The following TMEM245 variants were observed in gnomAD, a reference collection of about 807,000 sequenced individuals.
TMEM245 encodes protein CG-2.
A neutral mutation model predicts 101.2 loss-of-function variants in TMEM245; 69 were observed. The observed-to-expected ratio is 0.68, with a 90% CI of 0.56 to 0.83. TMEM245 has a LOEUF of 0.83. Among genes scored for constraint, TMEM245 ranks in the 40% least tolerant of loss-of-function variants. TMEM245 has a pLI of 0.00. For missense variants in TMEM245, 1,075 were observed against 1,092.8 expected (o/e 0.98, Z 0.23); for synonymous variants, 537 against 449.8 (o/e 1.19, Z -2.45).
chr9:109,053,033 TTA>T (rs1323951682), intron 12 of TMEM245, among the ~76,000 whole-genome samples: 1 of 152,172 alleles, frequency 6.6e-6, no homozygotes. Context: ...GTGGTTTAAT[TTA>T]TATGTCAGGC....
Position 109,083,990 on chromosome 9 carries a change from T to C in TMEM245, c.1344+2007A>G, listed in dbSNP as rs140653455. 9.7e-3 allele frequency among the ~76,000 whole-genome samples: 1,417 copies of C among 145,400 alleles called. 8 individuals carry two copies. Among genetic ancestry groups the C allele is most frequent in the South Asian group, 0.045 (207 of 4,572 alleles). ...TACTTAGGCGGCTGAGGTGGGAGGA[T>C]TGCTTGAGCCTGGGAGGTGGAGGTT... is the stretch of plus-strand genomic sequence containing the variant. On this transcript the variant is annotated intron_variant, in intron 7 of 17. Coordinates refer to ENST00000374586, the MANE Select transcript of TMEM245 (RefSeq NM_032012.4).
intron 4 of TMEM245, among the ~76,000 whole-genome samples, chr9:109,092,949 CAG>C (rs10611766): frequency 0.13 from 20,444 of 151,794 alleles, 1,614 homozygotes; most frequent in African/African-American, 0.19. Flanking sequence ...GAAAGAATGA[CAG>C]AGAAATGGAT....
intron 8 of TMEM245, among the ~76,000 whole-genome samples, chr9:109,073,865 T>TTG (rs1554723983): frequency 6.7e-6 from 1 of 148,570 alleles, no homozygotes; most frequent in Non-Finnish European, 1.5e-5. Context: ...TGTTTTTTTT[T>TTG]TTTTTTTTTT....
chr9:109,080,842 T>C lies in TMEM245; in HGVS notation c.1446A>G (p.Ala482=), dbSNP rs145855915. Residue 482 remains alanine (A), a synonymous_variant, in exon 8 of 18, where the codon GCA becomes GCG. Transcript: ENST00000374586. Reference sequence around the variant, plus strand: ...AATAATAATCACTGTACTCTACCTTTGCAGTCAGGAGTAGGGCTAAAAGAA... The same window carrying C: ...AATAATAATCACTGTACTCTACCTTCGCAGTCAGGAGTAGGGCTAAAAGAA... ...GTLLLALLLT[A]KVHQESVHMI... 5 of 1,564,784 alleles carry C rather than the reference T, an allele frequency of 3.2e-6. No individual in the cohort carries two copies. In the African/African-American group the frequency reaches 6.8e-5, roughly 21 times the overall value.
intron 4 of TMEM245, among the ~76,000 whole-genome samples, chr9:109,091,574 A>G (rs542813696): frequency 6.6e-6 from 1 of 152,344 alleles, no homozygotes; most frequent in South Asian, 2.1e-4. Flanking sequence ...CATTTCTGAC[A>G]CAAGAAGACT....
rs1256181986 is a variant in TMEM245 at position 109,016,051 on chromosome 9, T to C, written c.*4409A>G. 6.6e-6 allele frequency: 1 copy of C among 152,620 alleles called. No homozygotes were observed. The highest frequency in any genetic ancestry group is 1.5e-5 in the Non-Finnish European group (1 of 68,036). The allele number at this position is 152,620 out of a possible 1,614,324, so 9.5% of individuals were successfully genotyped here. On this transcript the variant is annotated 3_prime_UTR_variant, in exon 18 of 18. Coordinates refer to ENST00000374586, the MANE Select transcript of TMEM245 (RefSeq NM_032012.4). Reference sequence around the variant, plus strand: ...ATAGATCTGCCATTCAGTATTTCCATTAGGGATGTCTTCTCAAAGAGTTGT... The same window carrying C: ...ATAGATCTGCCATTCAGTATTTCCACTAGGGATGTCTTCTCAAAGAGTTGT...
rs771001982 is a variant in TMEM245, at chr9:109,080,895, T to C, written c.1393A>G (p.Ile465Val). The C allele has an allele frequency of 4.3e-6, 7 of 1,611,036 alleles. No homozygotes were observed. Among genetic ancestry groups the C allele is most frequent in the South Asian group, 3.3e-5 (3 of 90,888 alleles). ...GTTCCTATCACTAACAAAAATATGA[T>C]GAAAATGCTAATTATTTTATCTAAC... ...KMLDKIISIFIIFLLVIGTLL... is the reference protein window; with the variant it reads ...KMLDKIISIFVIFLLVIGTLL... The change falls in exon 8 of 18, where the codon ATC becomes GTC. Residue 465 changes from isoleucine (I) to valine (V), a missense_variant. Transcript: ENST00000374586.
At chr9:109,030,535 T>C (rs779798735) in intron 17 of TMEM245, among the ~76,000 whole-genome samples, 14 of 152,232 alleles carry the variant, frequency 9.2e-5, no homozygotes, top group Non-Finnish European at 1.5e-4. Context: ...ATTGATCAAT[T>C]ATCTTTTTTC....
rs889532649 is a variant in TMEM245 at position 109,107,237 on chromosome 9, TA to T, written c.698-629del. Among the ~76,000 whole-genome samples, 127 of 137,178 alleles carry T rather than the reference TA, an allele frequency of 9.3e-4. 1 individual carries two copies. The South Asian group carries it at 0.01, about 11-fold the overall frequency. The allele number at this position is 137,178 out of a possible 152,430, so 90.0% of individuals were successfully genotyped here. On this transcript the variant is annotated intron_variant, in intron 2 of 17. Transcript: ENST00000374586. Reference sequence around the variant, plus strand: ...ATCCCATCTCCACTAAAAATAAAAATAAAAAAAAAAAATTAGCCAGGCGTGG... The same window carrying T: ...ATCCCATCTCCACTAAAAATAAAAATAAAAAAAAAAATTAGCCAGGCGTGG...
At chr9:109,050,908 T>C (rs990536153) in intron 12 of TMEM245, among the ~76,000 whole-genome samples, 9 of 151,232 alleles carry the variant, frequency 6.0e-5, no homozygotes, top group African/African-American at 2.2e-4. Flanking sequence ...CACCAAATAA[T>C]ATAGACAGCA....
At chr9:109,061,287 G>C (rs530016016) in intron 10 of TMEM245, among the ~76,000 whole-genome samples, 1 of 152,146 alleles carries the variant, frequency 6.6e-6, no homozygotes, top group South Asian at 2.1e-4. Context: ...ACATGCTCCA[G>C]CCTGAGTAAC....
chr9:109,020,815 G>A (rs953538302), intron 17 of TMEM245, among the ~76,000 whole-genome samples: 1 of 152,202 alleles, frequency 6.6e-6, no homozygotes, highest in Admixed American at 6.5e-5. Context: ...TAAAAGAGAA[G>A]AGCAATCTTC....
intron 3 of TMEM245, among the ~76,000 whole-genome samples, chr9:109,095,767 A>G (rs1008362264): frequency 2.6e-5 from 4 of 152,222 alleles, no homozygotes; most frequent in Non-Finnish European, 5.9e-5. Flanking sequence ...ACAGAACAGC[A>G]TCATCACTAT....
At chr9:109,044,741 T>A (rs552099329) in intron 14 of TMEM245, among the ~76,000 whole-genome samples, 5 of 151,640 alleles carry the variant, frequency 3.3e-5, no homozygotes, top group South Asian at 2.1e-4. Context: ...ATATCCATCA[T>A]CTTGATCATT....
At chr9:109,084,158 T>C (rs961982344) in intron 7 of TMEM245, among the ~76,000 whole-genome samples, 1 of 152,082 alleles carries the variant, frequency 6.6e-6, no homozygotes. Context: ...AACCCATGTG[T>C]GCTCTCTCAC....
intron 6 of TMEM245, 136 bp from the exon 7 acceptor site, chr9:109,086,156 A>G (rs1202914620): frequency 1.2e-6 from 1 of 817,248 alleles, no homozygotes; most frequent in African/African-American, 1.7e-5. Flanking sequence ...CTAGGGACGG[A>G]AAAACTGTAA....
Position 109,019,645 on chromosome 9 carries a change from A to G in TMEM245, c.*815T>C, listed in dbSNP as rs1330960759. On this transcript the variant is annotated 3_prime_UTR_variant, in exon 18 of 18. Transcript: ENST00000374586. ...ATAATGAAACGGATACATTTAACAA[A>G]TCAGAGTATTGCTACACCTGAGATT... is the stretch of plus-strand genomic sequence containing the variant. The G allele has an allele frequency of 6.6e-6, 1 of 152,506 alleles. No individual in the cohort carries two copies. The highest frequency in any genetic ancestry group is 1.5e-5 in the Non-Finnish European group (1 of 68,046). The allele number at this position is 152,506 out of a possible 1,614,324, so 9.4% of individuals were successfully genotyped here. A position where few individuals can be genotyped will look rare whatever the true frequency, so the allele number is the denominator to read the frequency against.
At chr9:109,064,723 T>C (rs997448519) in intron 9 of TMEM245, among the ~76,000 whole-genome samples, 156 bp from the exon 10 acceptor site, 10 of 152,362 alleles carry the variant, frequency 6.6e-5, no homozygotes, top group African/African-American at 2.4e-4. Context: ...CTTCCAGGCT[T>C]AACTGTCCTA....
At chr9:109,035,988 A>G (rs1426411354) in intron 16 of TMEM245, 1 of 125,368 alleles carries the variant, frequency 8.0e-6, no homozygotes, top group South Asian at 3.3e-4. Flanking sequence ...GGGCAACAAC[A>G]ACCAAAAAAA....
Sources: gnomAD v4.1 joint callset for allele counts (sites outside exome capture counted in the v4.1 genomes callset) on GRCh38, gnomAD v4.1.1 for gene constraint, MANE v1.5 for transcripts, NCBI Gene and HGNC (gene_info 2026-07-23, HGNC 2026-07-21) for gene names.